The following HDAC9 variants were observed in gnomAD, a reference collection of about 807,000 sequenced individuals.
The protein encoded by HDAC9 is MEF-2 interacting transcription repressor (MITR) protein.
A neutral mutation model predicts 139.4 loss-of-function variants in HDAC9; 41 were observed. The ratio of observed to expected loss-of-function variants is 0.29; its 90% confidence interval spans 0.23 to 0.38. HDAC9 has a LOEUF of 0.38. HDAC9 is among the 10% of genes least tolerant of loss of function. The pLI is 1.00. For synonymous variants in HDAC9, 517 were observed against 476.2 expected (o/e 1.09, Z -1.12); for missense variants, 1,147 against 1,297.0 (o/e 0.88, Z 1.78).
At chr7:18,189,273 C>T (rs538643938) in intron 2 of HDAC9, among the ~76,000 whole-genome samples, 2 of 150,480 alleles carry the variant, frequency 1.3e-5, no homozygotes, top group South Asian at 4.2e-4. Flanking sequence ...TGTTCTCACT[C>T]GTAAGCAGGA....
At chr7:18,543,996 A>G (rs1185188601) in intron 2 of HDAC9, among the ~76,000 whole-genome samples, 3 of 152,164 alleles carry the variant, frequency 2.0e-5, no homozygotes, top group Admixed American at 6.5e-5. Context: ...TCCTGAGGCC[A>G]CTGTAAGATC....
At chr7:18,786,603 TTCCTTCCTTCCTTCCC>T (rs1791787580) in intron 16 of HDAC9, among the ~76,000 whole-genome samples, 1 of 90,672 alleles carries the variant, frequency 1.1e-5, no homozygotes, top group Non-Finnish European at 2.5e-5. Flanking sequence ...CCTTCCTTCC[TTCCTTCCTTCCTTCCC>T]TCCCTCCCTC....
chr7:18,135,807 G>T lies in HDAC9; in HGVS notation c.-96-26422G>T, dbSNP rs1025380260. Among the ~76,000 whole-genome samples the T allele has an allele frequency of 5.1e-3, 761 of 147,786 alleles. 4 individuals are homozygous for T. Among genetic ancestry groups the T allele is most frequent in the Admixed American group, 9.1e-3 (136 of 15,006 alleles). On this transcript the variant is annotated intron_variant, in intron 1 of 12. Coordinates refer to the HDAC9 transcript ENST00000417496. ...TAGCAGCATGACTTATAGTCCTTTG[G>T]GTATATACCCAGTAATGGGATGGCT...
At chr7:18,251,264 T>C (rs1794899892) in intron 2 of HDAC9, among the ~76,000 whole-genome samples, 1 of 151,914 alleles carries the variant, frequency 6.6e-6, no homozygotes, top group Non-Finnish European at 1.5e-5. Flanking sequence ...AGAGAGAAAA[T>C]TAAACACCGC....
chr7:18,487,007 G>T (rs1236030416), intron 1 of HDAC9, among the ~76,000 whole-genome samples: 1 of 152,056 alleles, frequency 6.6e-6, no homozygotes, highest in Non-Finnish European at 1.5e-5. Flanking sequence ...GGATGAAAAG[G>T]ATTTACTGCT....
intron 1 of HDAC9, among the ~76,000 whole-genome samples, chr7:18,436,993 G>A (rs1278944902): frequency 6.6e-6 from 1 of 152,176 alleles, no homozygotes; most frequent in East Asian, 1.9e-4. Context: ...ATATTTTGAA[G>A]ACTGTCTTCC....
chr7:18,136,863 G>A (rs1295332488), intron 1 of HDAC9, among the ~76,000 whole-genome samples: 5 of 151,864 alleles, frequency 3.3e-5, no homozygotes, highest in Non-Finnish European at 7.4e-5. Context: ...AGCTGGATGG[G>A]GATGGCATTG....
chr7:18,400,745 G>C (rs1787464130), intron 1 of HDAC9, among the ~76,000 whole-genome samples: 1 of 152,162 alleles, frequency 6.6e-6, no homozygotes, highest in Non-Finnish European at 1.5e-5. Context: ...AGAGGAACAA[G>C]AAAGTAGATG....
chr7:18,761,989 A>G (rs1789431629), intron 14 of HDAC9, among the ~76,000 whole-genome samples, 168 bp from the exon 15 acceptor site: 1 of 152,174 alleles, frequency 6.6e-6, no homozygotes, highest in Non-Finnish European at 1.5e-5. Flanking sequence ...AACCTTCCAT[A>G]CACTCATTTT....
intron 1 of HDAC9, among the ~76,000 whole-genome samples, chr7:18,446,743 A>G (rs1328339432): frequency 6.6e-6 from 1 of 152,118 alleles, no homozygotes; most frequent in Non-Finnish European, 1.5e-5. Flanking sequence ...TGAGAACAAC[A>G]TATATTTTCC....
chr7:18,139,951 G>T (rs958703559), intron 1 of HDAC9, among the ~76,000 whole-genome samples: 1 of 152,144 alleles, frequency 6.6e-6, no homozygotes, highest in Non-Finnish European at 1.5e-5. Flanking sequence ...ACTGATGTGG[G>T]ACTTCTGTCC....
chr7:18,767,578 A>G (rs1034905373), intron 16 of HDAC9, among the ~76,000 whole-genome samples: 12 of 152,200 alleles, frequency 7.9e-5, no homozygotes, highest in African/African-American at 2.9e-4. Context: ...AAAATGGCAT[A>G]AACTTCACAA....
At chr7:18,198,552 C>G (rs1417359549) in intron 2 of HDAC9, among the ~76,000 whole-genome samples, 3 of 152,152 alleles carry the variant, frequency 2.0e-5, no homozygotes, top group South Asian at 4.1e-4. Flanking sequence ...CATACAATCT[C>G]ACAATATCCA....
chr7:18,524,816 G>A (rs1425827802), intron 2 of HDAC9, among the ~76,000 whole-genome samples: 1 of 151,462 alleles, frequency 6.6e-6, no homozygotes, highest in African/African-American at 2.4e-5. Flanking sequence ...TGGAGAGCCT[G>A]TGTAAAAGAT....
intron 2 of HDAC9, among the ~76,000 whole-genome samples, chr7:18,163,490 G>C (rs754347296): frequency 2.0e-5 from 3 of 152,120 alleles, no homozygotes; most frequent in African/African-American, 7.2e-5. Flanking sequence ...TTTTGATTTC[G>C]TAAGTCTAGA....
chr7:18,885,269 G>C (rs10253169), intron 22 of HDAC9, among the ~76,000 whole-genome samples: 5,023 of 152,282 alleles, frequency 0.033, 170 homozygotes, highest in African/African-American at 0.088. Flanking sequence ...ATTCTTGACT[G>C]AAAAGGGAAC....
intron 1 of HDAC9, among the ~76,000 whole-genome samples, chr7:18,139,614 G>A (rs2128108579): frequency 6.6e-6 from 1 of 152,168 alleles, no homozygotes; most frequent in South Asian, 2.1e-4. Context: ...CTGAATAATG[G>A]CACCCCATAA....
At chr7:18,288,210 C>T (rs1797579246), upstream of HDAC9, among the ~76,000 whole-genome samples, 1 of 152,100 alleles carries the variant, frequency 6.6e-6, no homozygotes, top group Non-Finnish European at 1.5e-5. Context: ...TTCAATACAA[C>T]AAAAAGCAAA....
At chr7:18,815,399 C>G (rs887786990) in intron 17 of HDAC9, among the ~76,000 whole-genome samples, 1 of 152,128 alleles carries the variant, frequency 6.6e-6, no homozygotes, top group African/African-American at 2.4e-5. Flanking sequence ...TTATTATTGC[C>G]TTACCAAGAC....
Sources: gnomAD v4.1 joint callset for allele counts (sites outside exome capture counted in the v4.1 genomes callset) on GRCh38, gnomAD v4.1.1 for gene constraint, MANE v1.5 for transcripts, NCBI Gene and HGNC (gene_info 2026-07-23, HGNC 2026-07-21) for gene names.